Variants in CEP41 observed in about 807,000 individuals in gnomAD.
CEP41 encodes centrosomal protein 41, also known as centrosomal protein of 41 kDa.
CEP41 carries 32 observed loss-of-function variants against 44.3 expected under a neutral mutation model. The observed-to-expected ratio is 0.72, with a 90% CI of 0.54 to 0.97. The LOEUF is 0.97. CEP41 is among the 50% of genes least tolerant of loss of function. The pLI is 0.00. For missense variants in CEP41, 432 were observed against 455.2 expected, an observed-to-expected ratio of 0.95 and a Z score of 0.46; for synonymous variants, 151 against 168.5, an observed-to-expected ratio of 0.90 and a Z score of 0.80.
intron 3 of CEP41, among the ~76,000 whole-genome samples, chr7:130,415,416 G>C (rs1217265476): frequency 3.9e-5 from 6 of 152,166 alleles, no homozygotes; most frequent in African/African-American, 1.4e-4. Flanking sequence ...TTCTGTCAGG[G>C]AATCAGCACA....
chr7:130,433,410 G>A (rs540048355), intron 1 of CEP41, among the ~76,000 whole-genome samples: 2 of 152,164 alleles, frequency 1.3e-5, no homozygotes, highest in South Asian at 4.2e-4. Context: ...GGTATGGAGA[G>A]AGTGGGAGAG....
chr7:130,434,638 T>C (rs1554425805), intron 1 of CEP41, among the ~76,000 whole-genome samples: 3 of 152,228 alleles, frequency 2.0e-5, no homozygotes, highest in Non-Finnish European at 4.4e-5. Flanking sequence ...ACTGGACATA[T>C]TTATCAACAT....
chr7:130,423,562 T>C (rs1001041856), intron 2 of CEP41, among the ~76,000 whole-genome samples: 6 of 152,206 alleles, frequency 3.9e-5, no homozygotes, highest in Non-Finnish European at 8.8e-5. Context: ...AGTTTGGCAG[T>C]TCCTCAAAAA....
At chr7:130,440,118 C>G (rs1469490457) in intron 1 of CEP41, among the ~76,000 whole-genome samples, 2 of 152,094 alleles carry the variant, frequency 1.3e-5, no homozygotes, top group Non-Finnish European at 2.9e-5. Flanking sequence ...CTCCTGGGTT[C>G]AAGCGATTCT....
At chr7:130,436,414 G>A (rs1797965507) in intron 1 of CEP41, among the ~76,000 whole-genome samples, 1 of 152,178 alleles carries the variant, frequency 6.6e-6, no homozygotes, top group African/African-American at 2.4e-5. Flanking sequence ...AAGTAGGTGT[G>A]ACCAGAAGAG....
chr7:130,424,694 T>C lies in CEP41; in HGVS notation c.97+3261A>G, dbSNP rs954987566. ...TAGTCTTGATGTGAGTCACATCTCT[T>C]ATACAAAAATTACCTCAAAGTTTAT... is the stretch of plus-strand genomic sequence containing the variant. On this transcript the variant is annotated intron_variant, in intron 2 of 10. Transcript: ENST00000223208. 5.9e-5 allele frequency among the ~76,000 whole-genome samples: 9 copies of C among 152,190 alleles called. No homozygotes were observed. In the East Asian group the frequency reaches 1.4e-3, roughly 23 times the overall value.
chr7:130,425,566 G>C (rs141246509), intron 2 of CEP41, among the ~76,000 whole-genome samples: 1 of 152,156 alleles, frequency 6.6e-6, no homozygotes, highest in Non-Finnish European at 1.5e-5. Flanking sequence ...ATGTAAAATG[G>C]TACAGTCACT....
rs1554414254 is a variant in CEP41, at chr7:130,395,864, G to A, written c.*3027C>T. ...GCCCAATATGATCGTGCTGGTCCTG[G>A]CTAACCACTAAAGGTTAAAAAAAAA... On this transcript the variant is annotated 3_prime_UTR_variant, in exon 11 of 11. Transcript: ENST00000223208. 6.7e-6 allele frequency: 3 copies of A among 449,210 alleles called. No individual in the cohort carries two copies. The highest frequency in any genetic ancestry group is 1.6e-5 in the South Asian group (1 of 63,166). The allele number at this position is 449,210 out of a possible 1,614,324, so 27.8% of individuals were successfully genotyped here.
At chr7:130,421,174 T>A (rs1797497286) in intron 2 of CEP41, 5 of 985,292 alleles carry the variant, frequency 5.1e-6, no homozygotes, top group Non-Finnish European at 6.0e-6. Flanking sequence ...AGTGAATGAG[T>A]CATTCATTAG....
chr7:130,433,937 G>A (rs1221830406), intron 1 of CEP41, among the ~76,000 whole-genome samples: 2 of 152,210 alleles, frequency 1.3e-5, no homozygotes, highest in African/African-American at 2.4e-5. Context: ...CGGACATGGA[G>A]GGCTCTAGGG....
intron 7 of CEP41, among the ~76,000 whole-genome samples, chr7:130,402,202 C>T (rs782619101): frequency 6.6e-6 from 1 of 151,882 alleles, no homozygotes; most frequent in African/African-American, 2.4e-5. Flanking sequence ...AAACATTAGC[C>T]GGGTGTTGTG....
intron 2 of CEP41, chr7:130,417,475 G>T (rs533949280): frequency 7.7e-6 from 3 of 391,906 alleles, no homozygotes; most frequent in South Asian, 7.4e-5. Flanking sequence ...TCATGCTCAC[G>T]TTGCAGTCTG....
chr7:130,402,907 G>C, intron 6 of CEP41, 108 bp from the exon 7 acceptor site: 1 of 1,196,468 alleles, frequency 8.4e-7, no homozygotes, highest in Non-Finnish European at 1.2e-6. Flanking sequence ...CTTTTCAAAG[G>C]ACGCTTCAAA....
At chr7:130,432,767 A>C (rs1001526482) in intron 1 of CEP41, among the ~76,000 whole-genome samples, 1 of 151,972 alleles carries the variant, frequency 6.6e-6, no homozygotes, top group African/African-American at 2.4e-5. Context: ...CTAAAAAAAA[A>C]CCCAAAAAAC....
At chr7:130,410,552 G>T (rs1367941100) in intron 5 of CEP41, among the ~76,000 whole-genome samples, 1 of 152,192 alleles carries the variant, frequency 6.6e-6, no homozygotes, top group African/African-American at 2.4e-5. Context: ...AACCTCTGCA[G>T]CTTGGGCCTC....
At chr7:130,441,296 C>CG (rs1392913446), upstream of CEP41, 80 of 160,442 alleles carry the variant, frequency 5.0e-4, 1 homozygote, top group African/African-American at 2.6e-3. Context: ...AAGCCGGGGG[C>CG]GGGGGCAGTG....
At chr7:130,420,128 C>T (rs1014852533) in intron 2 of CEP41, 2 of 933,358 alleles carry the variant, frequency 2.1e-6, no homozygotes, top group African/African-American at 3.6e-5. Context: ...TCCGGACCAG[C>T]CTGGGCAAAA....
At chr7:130,413,996 GA>G (rs1341427993) in intron 3 of CEP41, among the ~76,000 whole-genome samples, 3 of 152,162 alleles carry the variant, frequency 2.0e-5, no homozygotes, top group Non-Finnish European at 4.4e-5. Flanking sequence ...AGCAACAAAG[GA>G]AAGGATTAAA....
intron 5 of CEP41, among the ~76,000 whole-genome samples, chr7:130,407,102 C>A (rs966052207): frequency 3.3e-5 from 5 of 151,850 alleles, no homozygotes; most frequent in African/African-American, 1.2e-4. Context: ...TTAAAGAAGA[C>A]CTCAATGAAG....
Sources: gnomAD v4.1 joint callset for allele counts (sites outside exome capture counted in the v4.1 genomes callset) on GRCh38, gnomAD v4.1.1 for gene constraint, MANE v1.5 for transcripts, NCBI Gene and HGNC (gene_info 2026-07-23, HGNC 2026-07-21) for gene names.